The following PUM3 variants were observed in gnomAD, a reference collection of about 807,000 sequenced individuals.
The protein encoded by PUM3 is pumilio RNA binding family member 3, also known as pumilio homolog 3.
A neutral mutation model predicts 84.0 loss-of-function variants in PUM3; 91 were observed. That is an observed-to-expected ratio of 1.08 (90% CI 0.91 to 1.29). The LOEUF is 1.29. Among genes scored for constraint, PUM3 ranks in the 50% most tolerant of loss-of-function variants. PUM3 has a pLI of 0.00. For synonymous variants in PUM3, 321 were observed against 266.7 expected (o/e 1.20, Z -1.98); for missense variants, 1,067 against 767.5 (o/e 1.39, Z -4.61).
intron 16 of PUM3, among the ~76,000 whole-genome samples, chr9:2,809,739 G>C (rs1821327880): frequency 1.3e-5 from 2 of 152,172 alleles, no homozygotes; most frequent in African/African-American, 4.8e-5. Flanking sequence ...ACTGAGAGGG[G>C]AATGGCATGC....
chr9:2,817,696 G>A (rs952214507), intron 13 of PUM3, among the ~76,000 whole-genome samples: 4 of 152,182 alleles, frequency 2.6e-5, no homozygotes, highest in Admixed American at 6.5e-5. Context: ...GATATGGGGC[G>A]ATGATAGGAT....
rs778861814 is a variant in PUM3, at chr9:2,838,521, G to GAAAACC, written c.-10-10_-10-5dup. On this transcript the variant is annotated splice_region_variant and splice_polypyrimidine_tract_variant and intron_variant, in intron 1 of 17. Transcript: ENST00000397885. ...TTTAACTTCCATCGTAGCAACTCTG[G>GAAAACC]AAAACCAAAACCAAAACCAAAAACA... 23 of 1,607,524 alleles carry GAAAACC rather than the reference G, an allele frequency of 1.4e-5. No homozygotes were observed. In the African/African-American group the frequency reaches 1.6e-4, roughly 11 times the overall value.
At chr9:2,834,753 C>A (rs1816074633) in intron 3 of PUM3, among the ~76,000 whole-genome samples, 1 of 152,130 alleles carries the variant, frequency 6.6e-6, no homozygotes, top group African/African-American at 2.4e-5. Flanking sequence ...AGAAACAACC[C>A]TCTGCTGTCT....
intron 13 of PUM3, among the ~76,000 whole-genome samples, chr9:2,818,076 C>A (rs887740095): frequency 6.6e-6 from 1 of 152,184 alleles, no homozygotes; most frequent in Non-Finnish European, 1.5e-5. Context: ...AAGTCTGGTG[C>A]CCTGAACAGA....
At chr9:2,821,982 T>C (rs754967439) in intron 12 of PUM3, among the ~76,000 whole-genome samples, 2 of 152,134 alleles carry the variant, frequency 1.3e-5, no homozygotes, top group African/African-American at 2.4e-5. Flanking sequence ...ACCCATAATA[T>C]GAATTAAGTG....
intron 1 of PUM3, among the ~76,000 whole-genome samples, chr9:2,838,957 T>C (rs745768824): frequency 1.3e-5 from 2 of 152,182 alleles, no homozygotes; most frequent in African/African-American, 2.4e-5. Flanking sequence ...CATGTACCAC[T>C]ACATGCATTT....
chr9:2,820,377 T>C (rs1025594287), intron 12 of PUM3, among the ~76,000 whole-genome samples: 2 of 152,142 alleles, frequency 1.3e-5, no homozygotes, highest in Non-Finnish European at 2.9e-5. Flanking sequence ...CTAAAACTAA[T>C]ACCTATTTAC....
intron 9 of PUM3, among the ~76,000 whole-genome samples, chr9:2,827,843 A>T (rs771694074): frequency 3.0e-4 from 45 of 152,132 alleles, no homozygotes; most frequent in Middle Eastern, 3.2e-3. Context: ...TATTATCCCA[A>T]TTTTACAAAT....
chr9:2,810,816 A>G (rs1821351318), intron 15 of PUM3, among the ~76,000 whole-genome samples: 1 of 152,150 alleles, frequency 6.6e-6, no homozygotes, highest in South Asian at 2.1e-4. Context: ...ATCAAAACCC[A>G]ATGCTGCATG....
chr9:2,818,155 T>G (rs944437272), intron 13 of PUM3, among the ~76,000 whole-genome samples: 3 of 152,216 alleles, frequency 2.0e-5, no homozygotes, highest in Non-Finnish European at 2.9e-5. Context: ...GTTTTTGTGG[T>G]GGATGAGTGA....
intron 2 of PUM3, among the ~76,000 whole-genome samples, chr9:2,837,945 AT>A (rs999126622): frequency 6.6e-6 from 1 of 152,194 alleles, no homozygotes. Flanking sequence ...AGGCTTACAA[AT>A]TAGTACCTAA....
chr9:2,820,707 C>G (rs1411395285), intron 12 of PUM3, among the ~76,000 whole-genome samples: 1 of 151,938 alleles, frequency 6.6e-6, no homozygotes, highest in Non-Finnish European at 1.5e-5. Context: ...AAAAAATAAA[C>G]TAGAAGAGTA....
intron 1 of PUM3, among the ~76,000 whole-genome samples, chr9:2,843,520 C>T (rs1816321917): frequency 6.6e-6 from 1 of 151,768 alleles, no homozygotes. Context: ...CTAGTCCACT[C>T]TAACCCGGCA....
chr9:2,813,631 T>A (rs1821412251), intron 13 of PUM3, among the ~76,000 whole-genome samples: 2 of 152,164 alleles, frequency 1.3e-5, no homozygotes, highest in African/African-American at 4.8e-5. Flanking sequence ...CTGCTCTTCT[T>A]AAAAGGGCCT....
At chr9:2,837,066 G>C (rs775268761) in intron 3 of PUM3, 114 bp downstream of exon 3, 1 of 857,822 alleles carries the variant, frequency 1.2e-6, no homozygotes, top group Non-Finnish European at 1.9e-6. Context: ...CCACCTACCT[G>C]TCCCAAAATG....
intron 10 of PUM3, 60 bp from the exon 11 acceptor site, chr9:2,824,875 T>C: frequency 8.1e-7 from 1 of 1,228,502 alleles, no homozygotes; most frequent in Non-Finnish European, 1.1e-6. Flanking sequence ...TCTACTGTTT[T>C]ATCTGTCTGT....
intron 12 of PUM3, 84 bp downstream of exon 12, chr9:2,823,697 T>C: frequency 1.7e-6 from 1 of 584,636 alleles, no homozygotes; most frequent in Admixed American, 3.6e-5. Flanking sequence ...GGTAATTTTC[T>C]GAATTTTTCC....
In PUM3 at chr9:2,804,606, T is replaced by C. The variant is rs569713746; in HGVS notation, c.1815-143A>G. The C allele has an allele frequency of 1.3e-5, 10 of 777,502 alleles. No individual in the cohort carries two copies. The Admixed American group carries it at 3.2e-4, about 25-fold the overall frequency. The allele number at this position is 777,502 out of a possible 1,614,324, so 48.2% of individuals were successfully genotyped here. ...CATTATTTTTCATTCAAAGGATGAATGATGAGACCAGTAGCCCATATTATA... is the reference window on the plus strand; with the variant it reads ...CATTATTTTTCATTCAAAGGATGAACGATGAGACCAGTAGCCCATATTATA... On this transcript the variant is annotated intron_variant, in intron 17 of 17. Transcript: ENST00000397885.
chr9:2,804,629 A>G (rs903009702), intron 17 of PUM3, among the ~76,000 whole-genome samples, 166 bp from the exon 18 acceptor site: 1 of 152,212 alleles, frequency 6.6e-6, no homozygotes, highest in Admixed American at 6.5e-5. Context: ...AGCCCATATT[A>G]TAACACCACG....
Sources: allele counts gnomAD v4.1 joint callset (sites outside exome capture counted in the v4.1 genomes callset), GRCh38; gene constraint gnomAD v4.1.1; transcripts MANE v1.5; gene names NCBI Gene and HGNC (gene_info 2026-07-23, HGNC 2026-07-21).